MTUS2: variants seen among roughly 807,000 people sequenced by gnomAD.
MTUS2 encodes the protein microtubule-associated tumor suppressor candidate 2.
MTUS2 carries 40 observed loss-of-function variants against 114.1 expected under a neutral mutation model. That is an observed-to-expected ratio of 0.35 (90% CI 0.27 to 0.46). MTUS2 has a LOEUF of 0.46. Among genes scored for constraint, MTUS2 ranks in the 20% least tolerant of loss-of-function variants. The probability of loss-of-function intolerance (pLI) is 1.00; values close to 1 mark genes in which losing one functional copy is unlikely to be tolerated. For missense variants in MTUS2, 1,679 were observed against 1,705.4 expected (o/e 0.98, Z 0.27); for synonymous variants, 688 against 672.0 (o/e 1.02, Z -0.37).
intron 5 of MTUS2, among the ~76,000 whole-genome samples, chr13:29,261,654 T>C (rs938585392): frequency 6.6e-6 from 1 of 152,256 alleles, no homozygotes; most frequent in Admixed American, 6.5e-5. Flanking sequence ...TATAATTTTA[T>C]ACCATATTAA....
chr13:28,978,752 C>A (rs2138284745), intron 2 of MTUS2, among the ~76,000 whole-genome samples: 1 of 152,236 alleles, frequency 6.6e-6, no homozygotes, highest in South Asian at 2.1e-4. Context: ...ATCTGTGGGC[C>A]CCAGTGACCT....
chr13:29,363,679 A>G (rs1469064552), intron 8 of MTUS2, among the ~76,000 whole-genome samples: 1 of 152,178 alleles, frequency 6.6e-6, no homozygotes, highest in East Asian at 1.9e-4. Flanking sequence ...AGGGGTATGT[A>G]TATTTTTTAT....
chr13:29,119,280 A>G (rs1379442474), intron 5 of MTUS2, among the ~76,000 whole-genome samples: 2 of 152,158 alleles, frequency 1.3e-5, no homozygotes, highest in Admixed American at 6.5e-5. Flanking sequence ...AATTTTAACA[A>G]TCTAAATAGT....
In MTUS2 at chr13:29,409,887, T is replaced by C. The variant is rs1875094215; in HGVS notation, c.3118-30096T>C. On this transcript the variant is annotated intron_variant, in intron 8 of 15. Transcript: ENST00000612955. ...TTCTCCTAGGAAGGGGCATTTAGGT[T>C]GGATTTTAATATTTTGCAATTACAA... is the stretch of plus-strand genomic sequence containing the variant. 2.0e-5 allele frequency among the ~76,000 whole-genome samples: 3 copies of C among 152,228 alleles called. No homozygotes were observed. The South Asian group carries it at 6.2e-4, about 32-fold the overall frequency.
At chr13:29,001,750 A>G (rs1038574882) in intron 2 of MTUS2, among the ~76,000 whole-genome samples, 13 of 152,156 alleles carry the variant, frequency 8.5e-5, no homozygotes, top group Non-Finnish European at 1.6e-4. Flanking sequence ...AGGTAAGGAT[A>G]TTGAGTTGGA....
chr13:29,243,098 C>T (rs1353889104), intron 5 of MTUS2, among the ~76,000 whole-genome samples: 1 of 152,106 alleles, frequency 6.6e-6, no homozygotes, highest in African/African-American at 2.4e-5. Flanking sequence ...AAATTTTCAA[C>T]GGGTATTTGC....
At chr13:29,152,253 A>G (rs1031250422) in intron 5 of MTUS2, among the ~76,000 whole-genome samples, 1 of 152,182 alleles carries the variant, frequency 6.6e-6, no homozygotes, top group African/African-American at 2.4e-5. Flanking sequence ...TAAGATAGAG[A>G]GGAGTTCCCT....
At chr13:28,936,096 C>G (rs192108963) in intron 2 of MTUS2, among the ~76,000 whole-genome samples, 140 of 152,152 alleles carry the variant, frequency 9.2e-4, no homozygotes, top group African/African-American at 3.1e-3. Flanking sequence ...TAAAGAGGTA[C>G]TCTGAATTGA....
intron 4 of MTUS2, among the ~76,000 whole-genome samples, chr13:29,061,093 G>A (rs1888398237): frequency 1.3e-5 from 2 of 151,998 alleles, no homozygotes; most frequent in Admixed American, 1.3e-4. Flanking sequence ...GCCCAGCCAT[G>A]TTTCTTCTTA....
intron 2 of MTUS2, among the ~76,000 whole-genome samples, chr13:28,881,599 G>A (rs1878293970): frequency 6.6e-6 from 1 of 152,246 alleles, no homozygotes; most frequent in South Asian, 2.1e-4. Context: ...TGCCAACAGT[G>A]TATGAGCATT....
In MTUS2 at chr13:29,505,649, G is replaced by C. The variant is rs1390549473; in HGVS notation, c.*2443G>C. ...CTGTCCCCTTCCAGGCTGGAGCGACGTTTCCACGTTCGGATGCTGCAGCCT... is the reference window on the plus strand; with the variant it reads ...CTGTCCCCTTCCAGGCTGGAGCGACCTTTCCACGTTCGGATGCTGCAGCCT... On this transcript the variant is annotated 3_prime_UTR_variant, in exon 16 of 16. Transcript: ENST00000612955. 4.3e-6 allele frequency: 1 copy of C among 230,864 alleles called. No homozygotes were observed. The highest frequency in any genetic ancestry group is 8.6e-6 in the Non-Finnish European group (1 of 116,682). 14.3% of individuals were successfully genotyped at this position (230,864 alleles called of 1,614,324 possible). A position where few individuals can be genotyped will look rare whatever the true frequency, so the allele number is the denominator to read the frequency against.
At chr13:29,426,364 A>T (rs1269640545) in intron 8 of MTUS2, among the ~76,000 whole-genome samples, 2 of 152,206 alleles carry the variant, frequency 1.3e-5, no homozygotes, top group East Asian at 3.9e-4. Context: ...CTTTAGCCCC[A>T]TTGTAAGTCA....
rs140484854 is a variant in MTUS2 at position 28,852,044 on chromosome 13, G to A, written c.-243+12194G>A. On this transcript the variant is annotated intron_variant, in intron 2 of 15. Transcript: ENST00000612955. ...TCCCCCTCGCTCCTGATGCCTCCTT[G>A]CTGTTCTTAGACCTTCAGTCACTTT... Among the ~76,000 whole-genome samples, 362 of 152,188 alleles carry A rather than the reference G, an allele frequency of 2.4e-3. 1 individual carries two copies. Among genetic ancestry groups the A allele is most frequent in the African/African-American group, 8.1e-3 (335 of 41,524 alleles).
chr13:29,207,161 G>T (rs895245351), intron 5 of MTUS2, among the ~76,000 whole-genome samples: 1 of 151,536 alleles, frequency 6.6e-6, no homozygotes, highest in Non-Finnish European at 1.5e-5. Flanking sequence ...AGTGTTTTTT[G>T]TTTGTTTGTT....
chr13:29,485,991 A>G (rs1881589576), intron 10 of MTUS2, among the ~76,000 whole-genome samples: 1 of 152,220 alleles, frequency 6.6e-6, no homozygotes, highest in South Asian at 2.1e-4. Context: ...GACACCTGTA[A>G]TGGAGCAGAA....
chr13:28,852,372 T>C (rs1876335013), intron 2 of MTUS2, among the ~76,000 whole-genome samples: 1 of 152,172 alleles, frequency 6.6e-6, no homozygotes, highest in South Asian at 2.1e-4. Context: ...GGATGGGGTC[T>C]GGTATACAGG....
rs1893307544 is a variant in MTUS2, at chr13:29,166,184, T to G, written c.2644+65214T>G. Among the ~76,000 whole-genome samples the G allele has an allele frequency of 1.3e-5, 2 of 152,196 alleles. 1 individual carries two copies. The highest frequency in any genetic ancestry group is 1.3e-4 in the Admixed American group (2 of 15,276). On this transcript the variant is annotated intron_variant, in intron 5 of 15. Coordinates refer to ENST00000612955, the MANE Select transcript of MTUS2 (RefSeq NM_001033602.4). Reference sequence around the variant, plus strand: ...GACATTAAGTTCCTTGCAATATCTATTTCTCTAGGACTAAGATTTTACATG... The same window carrying G: ...GACATTAAGTTCCTTGCAATATCTAGTTCTCTAGGACTAAGATTTTACATG...
intron 2 of MTUS2, among the ~76,000 whole-genome samples, chr13:28,901,512 G>T (rs1341242324): frequency 6.6e-6 from 1 of 152,108 alleles, no homozygotes; most frequent in Non-Finnish European, 1.5e-5. Flanking sequence ...AGTAGTCCAT[G>T]ATCCTTTTTG....
At chr13:29,005,523 C>T (rs4110543) in intron 2 of MTUS2, among the ~76,000 whole-genome samples, 69,624 of 151,922 alleles carry the variant, frequency 0.46, 16,434 homozygotes, top group East Asian at 0.68. Flanking sequence ...GGGAACAAAG[C>T]AGGGTGGAGA....
Sources: gnomAD v4.1 joint callset for allele counts (sites outside exome capture counted in the v4.1 genomes callset) on GRCh38, gnomAD v4.1.1 for gene constraint, MANE v1.5 for transcripts, NCBI Gene and HGNC (gene_info 2026-07-23, HGNC 2026-07-21) for gene names.